Variants in AHCYL2 observed in about 807,000 individuals in gnomAD.
AHCYL2 encodes adenosylhomocysteinase like 2.
A neutral mutation model predicts 81.4 loss-of-function variants in AHCYL2; 28 were observed. The ratio of observed to expected loss-of-function variants is 0.34; its 90% CI spans 0.25 to 0.47. AHCYL2 has a LOEUF of 0.47. AHCYL2 is among the 20% of genes least tolerant of loss of function. The probability of loss-of-function intolerance (pLI) is 1.00; values close to 1 mark genes in which losing one functional copy is unlikely to be tolerated. For synonymous variants in AHCYL2, 272 were observed against 290.2 expected (o/e 0.94, Z 0.64); for missense variants, 551 against 785.1 (o/e 0.70, Z 3.56).
At chr7:129,230,718 G>C (rs1794401092) in intron 1 of AHCYL2, among the ~76,000 whole-genome samples, 1 of 151,642 alleles carries the variant, frequency 6.6e-6, no homozygotes, top group African/African-American at 2.4e-5. Context: ...GACTACAGGT[G>C]CACGCCACCA....
intron 1 of AHCYL2, among the ~76,000 whole-genome samples, chr7:129,293,178 G>A (rs1057182823): frequency 2.0e-5 from 3 of 151,894 alleles, no homozygotes; most frequent in African/African-American, 7.3e-5. Context: ...TCAAAGTATG[G>A]CATTGAGAAA....
At chr7:129,293,175 A>T (rs1796930200) in intron 1 of AHCYL2, among the ~76,000 whole-genome samples, 1 of 151,930 alleles carries the variant, frequency 6.6e-6, no homozygotes, top group South Asian at 2.1e-4. Flanking sequence ...CTTTCAAAGT[A>T]TGGCATTGAG....
At chr7:129,267,062 A>G (rs1368366516) in intron 1 of AHCYL2, among the ~76,000 whole-genome samples, 2 of 152,160 alleles carry the variant, frequency 1.3e-5, no homozygotes, top group Non-Finnish European at 2.9e-5. Flanking sequence ...ATGATGTTGC[A>G]CAAGTATGCC....
chr7:129,369,550 G>GT (rs35051098), intron 1 of AHCYL2, among the ~76,000 whole-genome samples: 8,966 of 132,498 alleles, frequency 0.068, 372 homozygotes, highest in African/African-American at 0.076. Flanking sequence ...TTGTGTTCAG[G>GT]TTTTTTTTTT....
Position 129,422,955 on chromosome 7 carries a change from C to A in AHCYL2, c.1560+17C>A. On this transcript the variant is annotated intron_variant, in intron 13 of 16. Transcript: ENST00000325006. Reference sequence around the variant, plus strand: ...CTGGCAGAGGTAAGGCTGAGACTGGCAAAAATACTCCCCCACAACAGGAGA... The same window carrying A: ...CTGGCAGAGGTAAGGCTGAGACTGGAAAAAATACTCCCCCACAACAGGAGA... 6.2e-7 allele frequency: 1 copy of A among 1,609,390 alleles called. No homozygotes were observed. Among genetic ancestry groups the A allele is most frequent in the Non-Finnish European group, 8.5e-7 (1 of 1,176,568 alleles).
chr7:129,342,384 A>T (rs1333023907), intron 1 of AHCYL2, among the ~76,000 whole-genome samples: 3 of 152,160 alleles, frequency 2.0e-5, no homozygotes, highest in African/African-American at 7.2e-5. Flanking sequence ...TTAAAAATAT[A>T]TGGGTAGGGA....
chr7:129,388,117 A>G (rs1283180537), intron 2 of AHCYL2: 1 of 152,216 alleles, frequency 6.6e-6, no homozygotes, highest in Non-Finnish European at 1.5e-5. Flanking sequence ...TACTTATTCC[A>G]TTGAGAGATA....
At chr7:129,376,026 T>G in intron 1 of AHCYL2, 1 of 1,433,836 alleles carries the variant, frequency 7.0e-7, no homozygotes, top group Non-Finnish European at 9.4e-7. Context: ...CCTGCTTTCA[T>G]CCCTCCCTCT....
chr7:129,274,734 A>T (rs1215782409), intron 1 of AHCYL2, among the ~76,000 whole-genome samples: 1 of 152,152 alleles, frequency 6.6e-6, no homozygotes, highest in African/African-American at 2.4e-5. Flanking sequence ...CCCCAGCCAG[A>T]TGGAGAGGAC....
chr7:129,274,712 T>C (rs777107178), intron 1 of AHCYL2, among the ~76,000 whole-genome samples: 1 of 152,192 alleles, frequency 6.6e-6, no homozygotes, highest in Non-Finnish European at 1.5e-5. Flanking sequence ...CCGGTCACCA[T>C]GCTGTGAGAA....
At chr7:129,268,509 G>A (rs913780794) in intron 1 of AHCYL2, among the ~76,000 whole-genome samples, 21 of 152,086 alleles carry the variant, frequency 1.4e-4, no homozygotes, top group Admixed American at 1.0e-3. Context: ...CACCATACCC[G>A]GCTAATTTTT....
Position 129,368,268 on chromosome 7 carries a change from A to G in AHCYL2, c.364-11370A>G. On this transcript the variant is annotated intron_variant, in intron 1 of 16. Coordinates refer to ENST00000325006, the MANE Select transcript of AHCYL2 (RefSeq NM_015328.4). This position sits in a 1 kb window ranked among gnomAD's most constrained non-coding sequence, Gnocchi z 4.4. ...TTGCATCAGCTCTGATTTTGAAATC[A>G]GACACAGAAGGCTTTGAAGCCGGCC... The G allele has an allele frequency of 7.1e-7, 1 of 1,403,052 alleles. No individual in the cohort carries two copies. Among genetic ancestry groups the G allele is most frequent in the Non-Finnish European group, 9.3e-7 (1 of 1,079,966 alleles). The allele number at this position is 1,403,052 out of a possible 1,614,324, so 86.9% of individuals were successfully genotyped here. A position where few individuals can be genotyped will look rare whatever the true frequency, so the allele number is the denominator to read the frequency against.
chr7:129,317,885 A>G (rs1035474460), intron 1 of AHCYL2, among the ~76,000 whole-genome samples: 3 of 152,258 alleles, frequency 2.0e-5, no homozygotes, highest in African/African-American at 7.2e-5. Flanking sequence ...AAAAGTAGAA[A>G]CTCAAAGAAC....
At chr7:129,267,230 G>GGTGTGTGTGTGTGT (rs769745702) in intron 1 of AHCYL2, among the ~76,000 whole-genome samples, 56 of 59,208 alleles carry the variant, frequency 9.5e-4, no homozygotes, top group Middle Eastern at 0.013. Context: ...TCACTCAAGG[G>GGTGTGTGTGTGTGT]GTGTGTGTGT....
At chr7:129,416,568 C>T (rs774804140) in intron 12 of AHCYL2, among the ~76,000 whole-genome samples, 7 of 152,152 alleles carry the variant, frequency 4.6e-5, no homozygotes, top group African/African-American at 7.2e-5. Context: ...GAGGCCGAGA[C>T]GGGTGGATCA....
chr7:129,361,772 C>T (rs1295405751), intron 1 of AHCYL2, among the ~76,000 whole-genome samples: 3 of 151,018 alleles, frequency 2.0e-5, no homozygotes, highest in Non-Finnish European at 3.0e-5. Flanking sequence ...ACTGTAGGCG[C>T]ACACCACTAT....
At chr7:129,255,102 A>C (rs1458146754) in intron 1 of AHCYL2, among the ~76,000 whole-genome samples, 1 of 152,108 alleles carries the variant, frequency 6.6e-6, no homozygotes, top group Non-Finnish European at 1.5e-5. Context: ...CTCTACTAAA[A>C]ATACAAAAAT....
intron 1 of AHCYL2, among the ~76,000 whole-genome samples, chr7:129,253,612 A>T (rs1013118454): frequency 6.6e-6 from 1 of 152,112 alleles, no homozygotes; most frequent in African/African-American, 2.4e-5. Flanking sequence ...TGTAATTAAG[A>T]AATTATTTTT....
chr7:129,321,475 A>G (rs1157216410), intron 1 of AHCYL2, among the ~76,000 whole-genome samples: 2 of 152,138 alleles, frequency 1.3e-5, no homozygotes, highest in Non-Finnish European at 2.9e-5. Context: ...ATTGATTTTC[A>G]TATGCCAGAC....
Sources: allele counts gnomAD v4.1 joint callset (sites outside exome capture counted in the v4.1 genomes callset), GRCh38; gene constraint gnomAD v4.1.1; non-coding constraint Gnocchi (gnomAD v3.1); transcripts MANE v1.5; gene names NCBI Gene and HGNC (gene_info 2026-07-23, HGNC 2026-07-21).